The following GLDN variants were observed in gnomAD, a reference collection of about 807,000 sequenced individuals.
GLDN encodes collomin.
GLDN carries 47 observed loss-of-function variants against 56.5 expected under a neutral mutation model. That is an observed-to-expected ratio of 0.83 (90% CI 0.66 to 1.06). The LOEUF (loss-of-function observed/expected upper bound fraction) is 1.06. Ranked by LOEUF, GLDN falls within the 50% of genes least tolerant of loss-of-function variation. The pLI is 0.00. For missense variants in GLDN, 782 were observed against 714.3 expected (o/e 1.09, Z -1.08); for synonymous variants, 332 against 278.8 (o/e 1.19, Z -1.90).
chr15:51,353,592 A>C (rs2037115401), intron 1 of GLDN, among the ~76,000 whole-genome samples: 1 of 152,074 alleles, frequency 6.6e-6, no homozygotes, highest in Non-Finnish European at 1.5e-5. Context: ...AATTGAGAAA[A>C]TGTGAGTGGA....
chr15:51,366,728 A>C (rs1009571830), intron 1 of GLDN, among the ~76,000 whole-genome samples: 1 of 152,178 alleles, frequency 6.6e-6, no homozygotes, highest in Non-Finnish European at 1.5e-5. Context: ...TGGGCATCAT[A>C]GGCAGACCCC....
intron 5 of GLDN, 66 bp downstream of exon 5, chr15:51,395,047 C>T (rs1422762661): frequency 2.8e-6 from 4 of 1,439,396 alleles, no homozygotes; most frequent in Non-Finnish European, 3.7e-6. Context: ...TGGCTTCCAA[C>T]ACCAGGGCTG....
At chr15:51,371,717 C>T (rs1050761786) in intron 1 of GLDN, among the ~76,000 whole-genome samples, 3 of 152,176 alleles carry the variant, frequency 2.0e-5, no homozygotes, top group African/African-American at 7.2e-5. Context: ...GAGTCTCACT[C>T]TGTCACCCAG....
chr15:51,394,692 C>G, intron 4 of GLDN, 143 bp from the exon 5 acceptor site: 4 of 716,856 alleles, frequency 5.6e-6, no homozygotes, highest in Non-Finnish European at 9.5e-6. Context: ...TATGGTCACA[C>G]TGCTGCTCTA....
chr15:51,403,199 C>A (rs995551805), intron 9 of GLDN, among the ~76,000 whole-genome samples: 2 of 152,164 alleles, frequency 1.3e-5, no homozygotes, highest in Non-Finnish European at 2.9e-5. Flanking sequence ...GAGCTGAATT[C>A]GACCCTGTAA....
At chr15:51,356,139 G>A (rs1595805381) in intron 1 of GLDN, among the ~76,000 whole-genome samples, 1 of 151,792 alleles carries the variant, frequency 6.6e-6, no homozygotes, top group African/African-American at 2.4e-5. Flanking sequence ...CCCGGGAGGT[G>A]GAGGTTGCAG....
At position 51,404,710 on chromosome 15, in the gene GLDN, A is replaced by G. The variant is rs755570138; in HGVS notation, c.1612A>G (p.Met538Val). 1 of 1,610,162 alleles carries G rather than the reference A, an allele frequency of 6.2e-7. No homozygotes were observed. The highest frequency in any genetic ancestry group is 8.5e-7 in the Non-Finnish European group (1 of 1,176,444). ...HLYSWEDGHL[M>V]LYPVQFLSTT... ...ATATTCATGGGAAGATGGCCATTTAATGCTTTATCCTGTGCAGTTTTTGTC... is the reference window on the plus strand; with the variant it reads ...ATATTCATGGGAAGATGGCCATTTAGTGCTTTATCCTGTGCAGTTTTTGTC... Residue 538 changes from methionine (M) to valine (V), a missense_variant, in exon 10 of 10, where the codon ATG becomes GTG. By Grantham distance (21) the Met-to-Val change is conservative (BLOSUM62 1). Coordinates refer to ENST00000335449, the MANE Select transcript of GLDN (RefSeq NM_181789.4).
chr15:51,362,658 C>T (rs536769645), intron 1 of GLDN, among the ~76,000 whole-genome samples: 2 of 152,140 alleles, frequency 1.3e-5, no homozygotes, highest in South Asian at 4.2e-4. Flanking sequence ...ATGATCTCAC[C>T]TGAATTCTCA....
intron 1 of GLDN, among the ~76,000 whole-genome samples, chr15:51,346,726 AC>A (rs2036984900): frequency 6.6e-6 from 1 of 152,222 alleles, no homozygotes; most frequent in Non-Finnish European, 1.5e-5. Context: ...GGCATAGCAA[AC>A]AACAACAAAA....
chr15:51,375,953 T>G (rs970898718), intron 1 of GLDN, among the ~76,000 whole-genome samples: 6 of 152,206 alleles, frequency 3.9e-5, no homozygotes, highest in Admixed American at 3.3e-4. Context: ...TGGTGAAAGT[T>G]GGATTTGGCA....
downstream of GLDN, among the ~76,000 whole-genome samples, chr15:51,411,647 A>T (rs1218374987): frequency 6.6e-6 from 1 of 152,274 alleles, no homozygotes; most frequent in East Asian, 1.9e-4. Context: ...GCTCTATTAA[A>T]ACTTTATGGA....
Position 51,407,833 on chromosome 15 carries a change from G to C in GLDN, c.*3079G>C, listed in dbSNP as rs1238021445. 6.6e-6 allele frequency: 1 copy of C among 152,236 alleles called. No individual in the cohort carries two copies. The highest frequency in any genetic ancestry group is 1.5e-5 in the Non-Finnish European group (1 of 68,048). The allele number at this position is 152,236 out of a possible 1,614,324, so 9.4% of individuals were successfully genotyped here. ...ATCTGATGGCAAGTGAAGGAGAAAT[G>C]AGTGATAGGGCTTTGCGTTTTCATC... On this transcript the variant is annotated 3_prime_UTR_variant, in exon 10 of 10. Coordinates refer to ENST00000335449, the MANE Select transcript of GLDN (RefSeq NM_181789.4).
In GLDN at chr15:51,341,750, C is replaced by T; in HGVS notation, c.66C>T (p.Ala22=). The T allele has an allele frequency of 6.8e-7, 1 of 1,471,908 alleles. No individual in the cohort carries two copies. The highest frequency in any genetic ancestry group is 8.9e-7 in the Non-Finnish European group (1 of 1,123,224). 91.2% of individuals were successfully genotyped at this position (1,471,908 alleles called of 1,614,324 possible). ...GGGGCCTGCGTGGCGCCCTGGCGGC[C>T]GTGGCGCTGCTCTCGGCGCTCAACG... ...AGWGLRGALA[A]VALLSALNAA... The change falls in exon 1 of 10, where the codon GCC becomes GCT. Residue 22 remains alanine (A), a synonymous_variant. Coordinates refer to ENST00000335449, the MANE Select transcript of GLDN (RefSeq NM_181789.4).
At chr15:51,397,258 G>C (rs1002544475) in intron 5 of GLDN, among the ~76,000 whole-genome samples, 2 of 152,078 alleles carry the variant, frequency 1.3e-5, no homozygotes, top group African/African-American at 4.8e-5. Flanking sequence ...GGCAGCTAAA[G>C]AGACCTTAGC....
At chr15:51,385,689 G>C (rs2037876211) in intron 4 of GLDN, 1 of 152,242 alleles carries the variant, frequency 6.6e-6, no homozygotes, top group African/African-American at 2.4e-5. Context: ...AGGGACCTTT[G>C]AGCAAATACC....
chr15:51,376,620 GACTTGTAATAACACAACACAAAC>G (rs1415551141), intron 1 of GLDN, among the ~76,000 whole-genome samples: 1 of 152,096 alleles, frequency 6.6e-6, no homozygotes, highest in African/African-American at 2.4e-5. Context: ...TTTACTTTTT[GACTTGTAATAACACAACACAAAC>G]ACATTGTACA....
At chr15:51,411,436 T>C (rs1264549272), downstream of GLDN, among the ~76,000 whole-genome samples, 6 of 152,234 alleles carry the variant, frequency 3.9e-5, no homozygotes, top group African/African-American at 7.2e-5. Flanking sequence ...CACTTCCAAG[T>C]TGCAGTTTGT....
At chr15:51,356,439 A>C (rs1472334911) in intron 1 of GLDN, among the ~76,000 whole-genome samples, 1 of 152,142 alleles carries the variant, frequency 6.6e-6, no homozygotes, top group East Asian at 1.9e-4. Flanking sequence ...TTGTTTTGGG[A>C]CTGAATATGA....
At chr15:51,353,648 G>A (rs761694526) in intron 1 of GLDN, among the ~76,000 whole-genome samples, 14 of 149,280 alleles carry the variant, frequency 9.4e-5, no homozygotes, top group Non-Finnish European at 1.6e-4. Context: ...TACTTCTTAG[G>A]GGTCTTGTGT....
Sources: gnomAD v4.1 joint callset for allele counts (sites outside exome capture counted in the v4.1 genomes callset) on GRCh38, gnomAD v4.1.1 for gene constraint, MANE v1.5 for transcripts, NCBI Gene and HGNC (gene_info 2026-07-23, HGNC 2026-07-21) for gene names.